MAGI2: variants seen among roughly 807,000 people sequenced by gnomAD.
The protein encoded by MAGI2 is membrane-associated guanylate kinase, WW and PDZ domain-containing protein 2.
MAGI2 carries 35 observed loss-of-function variants against 133.3 expected under a neutral mutation model. The observed-to-expected ratio is 0.26, with a 90% CI of 0.20 to 0.35. MAGI2 has a LOEUF of 0.35. Ranked by LOEUF, MAGI2 falls within the 10% of genes least tolerant of loss-of-function variation. MAGI2 has a pLI of 1.00. For missense variants in MAGI2, 1,636 were observed against 1,863.4 expected, an observed-to-expected ratio of 0.88 and a Z score of 2.25; for synonymous variants, 729 against 710.6, an observed-to-expected ratio of 1.03 and a Z score of -0.41.
chr7:79,220,660 C>T (rs1830378148), intron 1 of MAGI2, among the ~76,000 whole-genome samples: 1 of 151,988 alleles, frequency 6.6e-6, no homozygotes, highest in Non-Finnish European at 1.5e-5. Context: ...CTAAATAAGT[C>T]CTGGTGGCCC....
chr7:78,036,949 A>T (rs780133744), intron 21 of MAGI2, among the ~76,000 whole-genome samples: 45 of 152,160 alleles, frequency 3.0e-4, no homozygotes, highest in Non-Finnish European at 5.3e-4. Context: ...TCCTGTAAGG[A>T]GAGAAAAGGA....
intron 3 of MAGI2, among the ~76,000 whole-genome samples, chr7:78,538,518 G>C (rs1798148186): frequency 6.6e-6 from 1 of 152,138 alleles, no homozygotes; most frequent in Non-Finnish European, 1.5e-5. Context: ...GTGTTTTGTA[G>C]TTTTCCTTGT....
intron 1 of MAGI2, among the ~76,000 whole-genome samples, chr7:79,370,884 G>A: frequency 6.6e-6 from 1 of 151,896 alleles, no homozygotes; most frequent in East Asian, 1.9e-4. Flanking sequence ...TGGTTATAAA[G>A]GTCAAAATAA....
In MAGI2 at chr7:78,053,754, C is replaced by T. The variant is rs75950281; in HGVS notation, c.3706+25193G>A. Among the ~76,000 whole-genome samples, 696 of 152,168 alleles carry T rather than the reference C, an allele frequency of 4.6e-3. 7 individuals carry two copies. The highest frequency in any genetic ancestry group is 0.016 in the African/African-American group (651 of 41,494). On this transcript the variant is annotated intron_variant, in intron 21 of 21. Coordinates refer to ENST00000354212, the MANE Select transcript of MAGI2 (RefSeq NM_012301.4). ...TTATTGGGGTGGGTGGATTAAGGAA[C>T]GATCAGGTAGAGAAGGATGACAAAA... is the stretch of plus-strand genomic sequence containing the variant.
intron 2 of MAGI2, among the ~76,000 whole-genome samples, chr7:78,674,984 G>A (rs535671536): frequency 2.6e-5 from 4 of 152,220 alleles, no homozygotes; most frequent in Non-Finnish European, 4.4e-5. Flanking sequence ...TTAGGACAAA[G>A]CTTTCTCTTT....
intron 2 of MAGI2, among the ~76,000 whole-genome samples, chr7:78,782,306 C>T (rs763888709): frequency 9.8e-5 from 15 of 152,314 alleles, no homozygotes; most frequent in Non-Finnish European, 2.2e-4. Context: ...CGATTTGAGG[C>T]GGACTGGCTT....
At chr7:79,321,268 T>C (rs1314610916) in intron 1 of MAGI2, among the ~76,000 whole-genome samples, 1 of 152,206 alleles carries the variant, frequency 6.6e-6, no homozygotes, top group South Asian at 2.1e-4. Context: ...CTTTCAATGT[T>C]TGACCACTAG....
chr7:79,083,357 T>C (rs1434897394), intron 1 of MAGI2, among the ~76,000 whole-genome samples: 1 of 151,492 alleles, frequency 6.6e-6, no homozygotes, highest in Non-Finnish European at 1.5e-5. Context: ...TATTCTCTTC[T>C]ATTTCTACTT....
intron 1 of MAGI2, among the ~76,000 whole-genome samples, chr7:79,229,782 G>A (rs1831193641): frequency 6.6e-6 from 1 of 151,218 alleles, no homozygotes; most frequent in East Asian, 1.9e-4. Context: ...TTTTTTTTAA[G>A]TTTTTTTAAA....
At chr7:79,208,040 A>C (rs1377806873) in intron 1 of MAGI2, among the ~76,000 whole-genome samples, 1 of 151,984 alleles carries the variant, frequency 6.6e-6, no homozygotes, top group Non-Finnish European at 1.5e-5. Flanking sequence ...ATCAACTAAA[A>C]ATGGATTAAA....
chr7:79,086,632 A>C (rs1166860354), intron 1 of MAGI2, among the ~76,000 whole-genome samples: 4 of 151,480 alleles, frequency 2.6e-5, no homozygotes, highest in African/African-American at 9.7e-5. Flanking sequence ...GGTGGTTCTT[A>C]CTCTGCCATT....
chr7:78,728,991 G>C (rs1005487061), intron 2 of MAGI2, among the ~76,000 whole-genome samples: 6 of 152,148 alleles, frequency 3.9e-5, no homozygotes, highest in Non-Finnish European at 7.4e-5. Flanking sequence ...CTGAAAAGGG[G>C]TAAGAAATGA....
chr7:79,228,880 G>C (rs1173355787), intron 1 of MAGI2, among the ~76,000 whole-genome samples: 1 of 152,074 alleles, frequency 6.6e-6, no homozygotes, highest in Non-Finnish European at 1.5e-5. Flanking sequence ...CATTGGAAGC[G>C]GAGTAGGGGC....
intron 1 of MAGI2, among the ~76,000 whole-genome samples, chr7:79,198,917 G>T (rs1216704581): frequency 6.6e-6 from 1 of 151,812 alleles, no homozygotes; most frequent in African/African-American, 2.4e-5. Context: ...AGAGGTAAAA[G>T]AGATGCAGGA....
intron 4 of MAGI2, among the ~76,000 whole-genome samples, chr7:78,505,388 C>T (rs1794994539): frequency 6.6e-6 from 1 of 152,028 alleles, no homozygotes; most frequent in Non-Finnish European, 1.5e-5. Context: ...GATAGAGTCT[C>T]CTAGCTGATT....
At chr7:78,033,472 CAAAAAAAAAAA>C (rs199985014) in intron 21 of MAGI2, among the ~76,000 whole-genome samples, 1 of 132,390 alleles carries the variant, frequency 7.6e-6, no homozygotes, top group African/African-American at 2.9e-5. Flanking sequence ...GAGCTTGTCT[CAAAAAAAAAAA>C]AAAAAAAAAG....
chr7:78,825,854 C>A (rs1297519008), intron 2 of MAGI2, among the ~76,000 whole-genome samples: 1 of 152,102 alleles, frequency 6.6e-6, no homozygotes, highest in African/African-American at 2.4e-5. Flanking sequence ...ATGTCTCCAA[C>A]CGATTTGAAA....
intron 1 of MAGI2, among the ~76,000 whole-genome samples, chr7:79,393,543 C>A (rs924039451): frequency 3.3e-5 from 5 of 151,974 alleles, no homozygotes; most frequent in African/African-American, 1.2e-4. Context: ...CTGAACAAAG[C>A]CAGAAAAAGT....
intron 1 of MAGI2, among the ~76,000 whole-genome samples, chr7:79,076,673 T>A (rs1285686113): frequency 6.6e-6 from 1 of 152,264 alleles, no homozygotes; most frequent in Non-Finnish European, 1.5e-5. Context: ...AGTAGACTTT[T>A]CAACTGATGT....
Sources: gnomAD v4.1 joint callset for allele counts (sites outside exome capture counted in the v4.1 genomes callset) on GRCh38, gnomAD v4.1.1 for gene constraint, MANE v1.5 for transcripts, NCBI Gene and HGNC (gene_info 2026-07-23, HGNC 2026-07-21) for gene names.